The following MMD2 variants were observed in gnomAD, a reference collection of about 807,000 sequenced individuals.
The protein encoded by MMD2 is monocyte to macrophage differentiation associated 2.
Under a neutral mutation model 33.5 loss-of-function variants are expected in MMD2, and 30 were observed. The observed-to-expected ratio is 0.90, with a 90% CI of 0.67 to 1.22. The LOEUF is 1.22. Ranked by LOEUF, MMD2 falls within the 50% of genes most tolerant of loss-of-function variation. MMD2 has a pLI of 0.00. For synonymous variants in MMD2, 129 were observed against 123.0 expected (o/e 1.05, Z -0.32); for missense variants, 364 against 325.4 (o/e 1.12, Z -0.91).
At chr7:4,948,527 G>GA (rs767961259) in intron 1 of MMD2, among the ~76,000 whole-genome samples, 98 of 138,936 alleles carry the variant, frequency 7.1e-4, no homozygotes, top group East Asian at 1.4e-3. Flanking sequence ...CCGTCTCACC[G>GA]AAAAAAAAAA....
downstream of MMD2, among the ~76,000 whole-genome samples, chr7:4,905,803 T>C (rs1158625763): frequency 6.6e-6 from 1 of 152,148 alleles, no homozygotes; most frequent in Non-Finnish European, 1.5e-5. This position sits in a 1 kb window ranked among gnomAD's most constrained non-coding sequence, Gnocchi z 5.0. Context: ...GTGGGAAATA[T>C]TTGGTGAGCT....
At chr7:4,914,828 G>A (rs989174132) in intron 4 of MMD2, among the ~76,000 whole-genome samples, 2 of 152,152 alleles carry the variant, frequency 1.3e-5, no homozygotes, top group Non-Finnish European at 2.9e-5. Flanking sequence ...CTACTCAGGG[G>A]GCTGAGGCAG....
chr7:4,904,909 G>C (rs367888128), downstream of MMD2, among the ~76,000 whole-genome samples: 6 of 152,342 alleles, frequency 3.9e-5, no homozygotes, highest in East Asian at 9.6e-4. Flanking sequence ...CAGGGGGCAT[G>C]ACAGGGAGCA....
chr7:4,902,773 A>T (rs1292090736), downstream of MMD2, among the ~76,000 whole-genome samples: 1 of 152,166 alleles, frequency 6.6e-6, no homozygotes, highest in Non-Finnish European at 1.5e-5. Flanking sequence ...ACAGGTGCCC[A>T]TCTCCCAACC....
Position 4,959,083 on chromosome 7 carries a change from C to A in MMD2, c.-66G>T. 1 of 1,217,750 alleles carries A rather than the reference C, an allele frequency of 8.2e-7. No individual in the cohort carries two copies. Among genetic ancestry groups the A allele is most frequent in the South Asian group, 4.1e-5 (1 of 24,326 alleles). 75.4% of individuals were successfully genotyped at this position (1,217,750 alleles called of 1,614,324 possible). ...CGGGTAGCTGGCAGAGCCTGGGGGGCGCGGCGGCGGCAGCAGCAGGTTGGA... is the reference window on the plus strand; with the variant it reads ...CGGGTAGCTGGCAGAGCCTGGGGGGAGCGGCGGCGGCAGCAGCAGGTTGGA... On this transcript the variant is annotated 5_prime_UTR_variant, in exon 1 of 7. Transcript: ENST00000401401.
chr7:4,948,527 GAA>G (rs767961259), intron 1 of MMD2, among the ~76,000 whole-genome samples: 1 of 139,050 alleles, frequency 7.2e-6, no homozygotes. Context: ...CCGTCTCACC[GAA>G]AAAAAAAAAA....
At chr7:4,916,519 A>ATT (rs2115097877) in intron 3 of MMD2, among the ~76,000 whole-genome samples, 1 of 151,524 alleles carries the variant, frequency 6.6e-6, no homozygotes, top group African/African-American at 2.4e-5. Flanking sequence ...AGTAGCTGGG[A>ATT]TTACAGGCAC....
rs531650209 is a variant in MMD2 at position 4,927,721 on chromosome 7, AAAACAAAAC to A, written c.48-2198_48-2190del. Among the ~76,000 whole-genome samples the A allele has an allele frequency of 4.1e-4, 62 of 152,248 alleles. No individual in the cohort carries two copies. The East Asian group carries it at 0.012, about 29-fold the overall frequency. On this transcript the variant is annotated intron_variant, in intron 1 of 6. Coordinates refer to ENST00000401401, the MANE Select transcript of MMD2 (RefSeq NM_198403.4). ...GACTCATTCTCAAAAAAACCAAACC[AAAACAAAAC>A]AAACAAAACAAAAATTCCCGATGTT... is the stretch of plus-strand genomic sequence containing the variant.
chr7:4,920,703 T>G (rs1192986735), intron 2 of MMD2, among the ~76,000 whole-genome samples: 1 of 69,028 alleles, frequency 1.4e-5, no homozygotes, highest in Non-Finnish European at 3.0e-5. Context: ...CCTCCCTCCC[T>G]CCCTCCCTCC....
At chr7:4,897,854 C>T in the MMD2 span, among the ~76,000 whole-genome samples, 1 of 152,134 alleles carries the variant, frequency 6.6e-6, no homozygotes, top group Non-Finnish European at 1.5e-5. Context: ...TCTCCTGCCT[C>T]AGCCTCCCAA....
intron 1 of MMD2, among the ~76,000 whole-genome samples, chr7:4,942,415 ATTT>A (rs10544029): frequency 3.3e-5 from 5 of 150,696 alleles, no homozygotes; most frequent in South Asian, 4.2e-4. Flanking sequence ...GGACATTTCT[ATTT>A]TTTTTTTAAT....
At chr7:4,920,880 G>C (rs984585042) in intron 2 of MMD2, among the ~76,000 whole-genome samples, 7 of 151,776 alleles carry the variant, frequency 4.6e-5, no homozygotes, top group African/African-American at 1.7e-4. Flanking sequence ...ACCACGACTG[G>C]CCAATTTTTA....
intron 1 of MMD2, among the ~76,000 whole-genome samples, chr7:4,944,214 G>T (rs1429061047): frequency 6.6e-6 from 1 of 151,818 alleles, no homozygotes; most frequent in Non-Finnish European, 1.5e-5. Flanking sequence ...GTTCGAGGCT[G>T]CAGTGAGCTA....
intron 1 of MMD2, among the ~76,000 whole-genome samples, chr7:4,954,436 G>C (rs1183983781): frequency 6.9e-6 from 1 of 145,690 alleles, no homozygotes; most frequent in Non-Finnish European, 1.5e-5. Context: ...TTCTTTTTTT[G>C]AGACGGGGTC....
Position 4,946,079 on chromosome 7 carries a change from G to A in MMD2, c.47+12892C>T, listed in dbSNP as rs527898654. On this transcript the variant is annotated intron_variant, in intron 1 of 6. Coordinates refer to ENST00000401401, the MANE Select transcript of MMD2 (RefSeq NM_198403.4). This position sits in a 1 kb window ranked among gnomAD's most constrained non-coding sequence, Gnocchi z 5.0. The stretch of plus-strand genomic sequence containing the variant: ...GCAAAATGCACACACTCACACGCAC[G>A]CACACGCACGCACACACACGCATGC... Among the ~76,000 whole-genome samples, 4 of 150,984 alleles carry A rather than the reference G, an allele frequency of 2.6e-5. No individual in the cohort carries two copies. The highest frequency in any genetic ancestry group is 5.9e-5 in the Non-Finnish European group (4 of 67,780).
chr7:4,898,621 G>T, the MMD2 span, among the ~76,000 whole-genome samples: 1 of 152,184 alleles, frequency 6.6e-6, no homozygotes, highest in African/African-American at 2.4e-5. Flanking sequence ...TTTGGGCAGG[G>T]CGCAGTGGCT....
intron 3 of MMD2, among the ~76,000 whole-genome samples, chr7:4,919,760 G>T (rs952541188): frequency 6.6e-6 from 1 of 152,080 alleles, no homozygotes; most frequent in African/African-American, 2.4e-5. Context: ...GCTGGACGTG[G>T]TGGTGCATAC....
intron 1 of MMD2, among the ~76,000 whole-genome samples, chr7:4,945,218 C>CTTCTTCTTCTTCTTCTTCTTCTT (rs1484204078): frequency 5.6e-5 from 8 of 144,086 alleles, no homozygotes; most frequent in African/African-American, 2.1e-4. Context: ...TCTTCTTCTT[C>CTTCTTCTTCTTCTTCTTCTTCTT]TTCTTCTTCT....
At position 4,946,832 on chromosome 7, in the gene MMD2, A is replaced by G. The variant is rs1008948040; in HGVS notation, c.47+12139T>C. 3.3e-5 allele frequency among the ~76,000 whole-genome samples: 5 copies of G among 152,116 alleles called. No homozygotes were observed. The highest frequency in any genetic ancestry group is 5.9e-5 in the Non-Finnish European group (4 of 68,016). On this transcript the variant is annotated intron_variant, in intron 1 of 6. Coordinates refer to ENST00000401401, the MANE Select transcript of MMD2 (RefSeq NM_198403.4). The surrounding 1 kb of genome is among the most constrained non-coding windows in gnomAD (Gnocchi z 5.0). ...CTGCAGCCTCGAATTCCTGGGCTCA[A>G]CGGATCCTCCCCAGTAGCTGGGACT...
Sources: gnomAD v4.1 joint callset for allele counts (sites outside exome capture counted in the v4.1 genomes callset) on GRCh38, gnomAD v4.1.1 for gene constraint, Gnocchi (gnomAD v3.1) non-coding constraint, MANE v1.5 for transcripts, NCBI Gene and HGNC (gene_info 2026-07-23, HGNC 2026-07-21) for gene names.